EFNA5: variants seen among roughly 807,000 people sequenced by gnomAD.
The protein encoded by EFNA5 is ephrin A5.
A neutral mutation model predicts 22.9 loss-of-function variants in EFNA5; 5 were observed. The ratio of observed to expected loss-of-function variants is 0.22; its 90% CI spans 0.11 to 0.46. The LOEUF is 0.46. EFNA5 is among the 20% of genes least tolerant of loss of function. The pLI is 0.99. For synonymous variants in EFNA5, 113 were observed against 112.2 expected (o/e 1.01, Z -0.04); for missense variants, 237 against 293.3 (o/e 0.81, Z 1.40).
At chr5:107,389,661 A>C (rs1463617859) in intron 2 of EFNA5, among the ~76,000 whole-genome samples, 1 of 152,230 alleles carries the variant, frequency 6.6e-6, no homozygotes. Flanking sequence ...TAGGAGAAAT[A>C]AATCCAGGAC....
At chr5:107,446,557 A>C (rs1309745087) in intron 1 of EFNA5, among the ~76,000 whole-genome samples, 3 of 152,026 alleles carry the variant, frequency 2.0e-5, no homozygotes, top group Admixed American at 2.0e-4. Flanking sequence ...AGACCAGACC[A>C]TCCTGGCTAA....
intron 1 of EFNA5, among the ~76,000 whole-genome samples, chr5:107,531,677 T>TC (rs1747813215): frequency 6.6e-6 from 1 of 152,324 alleles, no homozygotes; most frequent in Admixed American, 6.5e-5. Context: ...TGTGTTTTAT[T>TC]CCCCAACCTT....
At chr5:107,484,236 A>G (rs1750556783) in intron 1 of EFNA5, among the ~76,000 whole-genome samples, 1 of 152,150 alleles carries the variant, frequency 6.6e-6, no homozygotes, top group Non-Finnish European at 1.5e-5. Context: ...CTCTCTCCCA[A>G]GGTTAATGGT....
intron 1 of EFNA5, among the ~76,000 whole-genome samples, chr5:107,508,220 A>C (rs968682431): frequency 7.9e-5 from 12 of 152,176 alleles, no homozygotes; most frequent in African/African-American, 2.9e-4. Context: ...GAGCCAAGTG[A>C]AGTGCAGATG....
chr5:107,502,499 C>T (rs1231279129), intron 1 of EFNA5, among the ~76,000 whole-genome samples: 2 of 152,120 alleles, frequency 1.3e-5, no homozygotes, highest in Admixed American at 6.5e-5. Flanking sequence ...ATTGCTGTGG[C>T]GGTTTACTCA....
intron 2 of EFNA5, among the ~76,000 whole-genome samples, chr5:107,395,697 T>C (rs1747903440): frequency 1.3e-5 from 2 of 152,244 alleles, no homozygotes; most frequent in African/African-American, 2.4e-5. Flanking sequence ...CAGTTCTTTC[T>C]TTCTTGTTTG....
intron 1 of EFNA5, among the ~76,000 whole-genome samples, chr5:107,660,697 C>G (rs1750935798): frequency 6.6e-6 from 1 of 151,976 alleles, no homozygotes; most frequent in African/African-American, 2.4e-5. Context: ...TTGTTTTATA[C>G]AGTATTTAAA....
intron 1 of EFNA5, among the ~76,000 whole-genome samples, chr5:107,654,896 T>C: frequency 6.6e-6 from 1 of 152,086 alleles, no homozygotes; most frequent in Non-Finnish European, 1.5e-5. Context: ...GTACATTATT[T>C]ACCATATTAA....
intron 1 of EFNA5, among the ~76,000 whole-genome samples, chr5:107,623,027 C>CAAAAAAAAAAAAAAAA (rs61689503): frequency 6.7e-5 from 2 of 29,888 alleles, no homozygotes; most frequent in Non-Finnish European, 1.1e-4. Flanking sequence ...GACTCCGTCT[C>CAAAAAAAAAAAAAAAA]AAAAAAAAAA....
At chr5:107,616,189 AT>A (rs1343632279) in intron 1 of EFNA5, among the ~76,000 whole-genome samples, 1 of 152,230 alleles carries the variant, frequency 6.6e-6, no homozygotes, top group African/African-American at 2.4e-5. Flanking sequence ...ATAAGATTTT[AT>A]TTTATGTGGT....
At chr5:107,604,994 A>T (rs352615) in intron 1 of EFNA5, among the ~76,000 whole-genome samples, 84,319 of 151,974 alleles carry the variant, frequency 0.55, 23,447 homozygotes, top group South Asian at 0.63. Flanking sequence ...AGCAGCCTAA[A>T]GACAGTGGCC....
chr5:107,465,475 A>T (rs1466747336), intron 1 of EFNA5, among the ~76,000 whole-genome samples: 2 of 152,186 alleles, frequency 1.3e-5, no homozygotes, highest in Admixed American at 6.5e-5. Context: ...TTTACTCCAA[A>T]GACGCCACGT....
intron 1 of EFNA5, among the ~76,000 whole-genome samples, chr5:107,610,116 T>C (rs529246154): frequency 3.3e-5 from 5 of 152,316 alleles, no homozygotes; most frequent in African/African-American, 9.6e-5. Flanking sequence ...AATAGTCAGA[T>C]AGCAAGATGT....
intron 1 of EFNA5, among the ~76,000 whole-genome samples, chr5:107,610,364 T>C (rs1055936067): frequency 6.6e-6 from 1 of 152,238 alleles, no homozygotes; most frequent in Non-Finnish European, 1.5e-5. Flanking sequence ...CCCGCCCCGC[T>C]TGAAGAAGTT....
At chr5:107,575,989 T>C (rs1199217759) in intron 1 of EFNA5, among the ~76,000 whole-genome samples, 1 of 152,326 alleles carries the variant, frequency 6.6e-6, no homozygotes, top group African/African-American at 2.4e-5. Flanking sequence ...AACTGCCTCA[T>C]TTCCTAAAGG....
At chr5:107,496,672 T>C (rs139533812) in intron 1 of EFNA5, among the ~76,000 whole-genome samples, 77 of 152,322 alleles carry the variant, frequency 5.1e-4, no homozygotes, top group African/African-American at 1.7e-3. Flanking sequence ...TGCTGTCTGT[T>C]GGGGCTTGCT....
chr5:107,494,340 G>GCAGC (rs1746907049), intron 1 of EFNA5, among the ~76,000 whole-genome samples: 2 of 152,204 alleles, frequency 1.3e-5, no homozygotes, highest in African/African-American at 2.4e-5. Flanking sequence ...TGCACTGGGA[G>GCAGC]CAGCCGGCCG....
rs1020508162 is a variant in EFNA5, at chr5:107,459,972, G to A, written c.126-32463C>T. On this transcript the variant is annotated intron_variant, in intron 1 of 4. Transcript: ENST00000333274. ...CTCTTCCACTCTGCACGCCTCAAAC[G>A]CTTAGCCTTAGGAACTGTTTAACCA... 4.6e-5 allele frequency among the ~76,000 whole-genome samples: 7 copies of A among 152,206 alleles called. No individual in the cohort carries two copies. The East Asian group carries it at 7.7e-4, about 17-fold the overall frequency.
intron 1 of EFNA5, among the ~76,000 whole-genome samples, chr5:107,564,631 G>GTTTTTTTTTTTT (rs34585445): frequency 1.7e-5 from 2 of 115,036 alleles, no homozygotes; most frequent in Admixed American, 8.8e-5. Context: ...TTGGGTTTTT[G>GTTTTTTTTTTTT]TTTTTTTTTT....
Sources: allele counts gnomAD v4.1 joint callset (sites outside exome capture counted in the v4.1 genomes callset), GRCh38; gene constraint gnomAD v4.1.1; transcripts MANE v1.5; gene names NCBI Gene and HGNC (gene_info 2026-07-23, HGNC 2026-07-21).